Variants in FAM83D observed in about 807,000 individuals in gnomAD.
FAM83D encodes protein FAM83D.
Under a neutral mutation model 25.4 loss-of-function variants are expected in FAM83D, and 26 were observed. That is an observed-to-expected ratio of 1.02 (90% CI 0.75 to 1.42). The LOEUF is 1.42. FAM83D is among the 40% of genes most tolerant of loss of function. The probability of loss-of-function intolerance (pLI) is 0.00; values close to 1 mark genes in which losing one functional copy is unlikely to be tolerated. For synonymous variants in FAM83D, 310 were observed against 318.5 expected (o/e 0.97, Z 0.28); for missense variants, 740 against 758.1 (o/e 0.98, Z 0.28).
In FAM83D at chr20:38,926,805, C is replaced by T. The variant is rs1397548523; in HGVS notation, c.363C>T (p.Tyr121=). The change falls in exon 1 of 4, where the codon TAC becomes TAT. Residue 121 remains tyrosine (Y), a synonymous_variant. Transcript: ENST00000619850. Reference sequence around the variant, plus strand: ...TGGAGCTTGGCTGGCCCGCCTTCTACCAGGGCGCCTACCGCGGCGCCACGC... The same window carrying T: ...TGGAGCTTGGCTGGCCCGCCTTCTATCAGGGCGCCTACCGCGGCGCCACGC... ...PLLELGWPAF[Y]QGAYRGATRV... is the part of the protein sequence containing the mutation. The T allele has an allele frequency of 1.3e-6, 2 of 1,541,884 alleles. No individual in the cohort carries two copies. The highest frequency in any genetic ancestry group is 1.2e-5 in the South Asian group (1 of 84,670).
At chr20:38,932,731 TC>T (rs1175972851) in intron 1 of FAM83D, among the ~76,000 whole-genome samples, 1 of 152,258 alleles carries the variant, frequency 6.6e-6, no homozygotes, top group Non-Finnish European at 1.5e-5. Context: ...GAATTGGCTG[TC>T]CGGCTATTCC....
chr20:38,931,987 G>A (rs1388375773), intron 1 of FAM83D, among the ~76,000 whole-genome samples: 1 of 152,240 alleles, frequency 6.6e-6, no homozygotes, highest in Non-Finnish European at 1.5e-5. Flanking sequence ...CTGGGTGGCT[G>A]TGCCTGGGGT....
At chr20:38,934,016 G>A (rs1413180972) in intron 1 of FAM83D, among the ~76,000 whole-genome samples, 3 of 152,056 alleles carry the variant, frequency 2.0e-5, no homozygotes, top group Non-Finnish European at 4.4e-5. Context: ...TACCACGCCC[G>A]GCTAATTTTT....
At chr20:38,930,302 A>T (rs2085653638) in intron 1 of FAM83D, among the ~76,000 whole-genome samples, 1 of 152,180 alleles carries the variant, frequency 6.6e-6, no homozygotes, top group Non-Finnish European at 1.5e-5. Context: ...TAAACCCTTG[A>T]CCTGAATTAC....
chr20:38,940,124 C>T (rs2085695362), intron 1 of FAM83D, among the ~76,000 whole-genome samples: 1 of 152,192 alleles, frequency 6.6e-6, no homozygotes, highest in South Asian at 2.1e-4. Flanking sequence ...GCCACAAATT[C>T]AGAAAGAACG....
intron 3 of FAM83D, 74 bp from the exon 4 acceptor site, chr20:38,951,465 A>G: frequency 6.6e-7 from 1 of 1,506,790 alleles, no homozygotes. Context: ...GTACTATATT[A>G]TTCAGATGGA....
Position 38,926,477 on chromosome 20 carries a change from C to T in FAM83D, c.35C>T (p.Pro12Leu), listed in dbSNP as rs746079486. 8 of 1,596,230 alleles carry T rather than the reference C, an allele frequency of 5.0e-6. No individual in the cohort carries two copies. In the South Asian group the frequency reaches 5.5e-5, roughly 11 times the overall value. The part of the protein sequence containing the change: ...ALLSEGLDEV[P>L]AACLSPCGPP... ...CTGTCCGAGGGCCTGGACGAGGTGC[C>T]CGCCGCCTGCCTGTCGCCGTGCGGG... The change falls in exon 1 of 4, where the codon CCC becomes CTC. Residue 12 changes from proline (P) to leucine (L), a missense_variant. Physicochemically the swap from Pro to Leu is moderately conservative, Grantham distance 98. Transcript: ENST00000619850.
chr20:38,927,998 G>A (rs544782957), intron 1 of FAM83D, among the ~76,000 whole-genome samples: 1 of 152,202 alleles, frequency 6.6e-6, no homozygotes, highest in Non-Finnish European at 1.5e-5. Flanking sequence ...TGCAATGGAG[G>A]TCTTGTCTGC....
Position 38,926,852 on chromosome 20 carries a change from C to G in FAM83D, c.410C>G (p.Pro137Arg). 1.3e-6 allele frequency: 2 copies of G among 1,525,336 alleles called. No homozygotes were observed. The highest frequency in any genetic ancestry group is 1.8e-6 in the Non-Finnish European group (2 of 1,141,624). The allele number at this position is 1,525,336 out of a possible 1,614,324, so 94.5% of individuals were successfully genotyped here. Residue 137 changes from proline (P) to arginine (R), a missense_variant, in exon 1 of 4, where the codon CCC becomes CGC. Around this residue, in one of 3 missense-constraint regions of FAM83D, gnomAD observed 333 missense variants for 298.6 expected, o/e 1.12. Transcript: ENST00000619850. ...GATRVETHFQ[P>R]RGAGEGGPYG... ...ACGCGTGTCGAGACGCACTTCCAGC[C>G]CCGCGGCGCTGGCGAAGGTGGCCCC... is the stretch of plus-strand genomic sequence containing the variant.
chr20:38,946,206 A>AC (rs1361913565), intron 2 of FAM83D, among the ~76,000 whole-genome samples: 2 of 151,850 alleles, frequency 1.3e-5, no homozygotes, highest in Non-Finnish European at 2.9e-5. Context: ...TCAAAAAAAA[A>AC]AAAAAAAAAA....
intron 1 of FAM83D, among the ~76,000 whole-genome samples, chr20:38,928,360 G>T (rs2085645225): frequency 6.6e-6 from 1 of 152,214 alleles, no homozygotes; most frequent in South Asian, 2.1e-4. Context: ...TGGATACAGT[G>T]ACCTAGTGCC....
chr20:38,934,791 G>C (rs982292978), intron 1 of FAM83D, among the ~76,000 whole-genome samples: 14 of 152,178 alleles, frequency 9.2e-5, no homozygotes, highest in East Asian at 1.9e-4. Context: ...CTCTAAGAAG[G>C]AATGAGGACT....
In FAM83D at chr20:38,947,956, G is replaced by A. The variant is rs758987453; in HGVS notation, c.732G>A (p.Lys244=). ...GTKIIGKVHE[K]FTLIDGIRVA... ...AGATTATTGGGAAGGTTCACGAAAAGTTCACGTTGATTGATGGCATCCGCG... is the reference window on the plus strand; with the variant it reads ...AGATTATTGGGAAGGTTCACGAAAAATTCACGTTGATTGATGGCATCCGCG... The change falls in exon 3 of 4, where the codon AAG becomes AAA. Residue 244 remains lysine (K), a synonymous_variant. Transcript: ENST00000619850. 7 of 1,614,084 alleles carry A rather than the reference G, an allele frequency of 4.3e-6. No individual in the cohort carries two copies. In the African/African-American group the frequency reaches 9.3e-5, roughly 22 times the overall value.
intron 3 of FAM83D, among the ~76,000 whole-genome samples, chr20:38,949,071 A>G (rs2085741677): frequency 6.6e-6 from 1 of 152,166 alleles, no homozygotes; most frequent in Admixed American, 6.5e-5. Context: ...TCCAAATGAA[A>G]TTGATGACGA....
In FAM83D at chr20:38,929,156, C is replaced by T. The variant is rs1044944070; in HGVS notation, c.483+2231C>T. ...CACACCACTGGACTCCAGCTCTGGG[C>T]GACAGAGCAAGACTCCCTCTCGGAA... On this transcript the variant is annotated intron_variant, in intron 1 of 3. Transcript: ENST00000619850. 9.1e-5 allele frequency among the ~76,000 whole-genome samples: 13 copies of T among 143,244 alleles called. No individual in the cohort carries two copies. In the South Asian group the frequency reaches 1.3e-3, roughly 15 times the overall value. 94.0% of individuals were successfully genotyped at this position (143,244 alleles called of 152,430 possible).
chr20:38,952,305 C>G lies in FAM83D; in HGVS notation c.1543C>G (p.His515Asp), dbSNP rs182339227. The change falls in exon 4 of 4, where the codon CAC (histidine) becomes GAC (aspartate). Residue 515 changes from histidine to aspartate, a missense_variant. By Grantham distance (81) the His-to-Asp change is moderately conservative. Coordinates refer to ENST00000619850, the MANE Select transcript of FAM83D (RefSeq NM_030919.3). ...PGYPKYLGTP[H>D]LELYLSDSLR... Reference sequence around the variant, plus strand: ...CTATCCCAAGTACCTGGGCACCCCCCACCTGGAACTGTACTTGAGTGACTC... The same window carrying G: ...CTATCCCAAGTACCTGGGCACCCCCGACCTGGAACTGTACTTGAGTGACTC... The G allele has an allele frequency of 1.6e-5, 26 of 1,614,130 alleles. No homozygotes were observed. Among genetic ancestry groups the G allele is most frequent in the Admixed American group, 1.5e-4 (9 of 60,028 alleles).
chr20:38,947,133 G>A (rs1268804964), intron 2 of FAM83D, among the ~76,000 whole-genome samples: 2 of 152,212 alleles, frequency 1.3e-5, no homozygotes, highest in Non-Finnish European at 2.9e-5. Context: ...CTGCTCCAGA[G>A]AATGCAGATT....
chr20:38,930,750 C>T (rs2085655613), intron 1 of FAM83D, among the ~76,000 whole-genome samples: 1 of 151,950 alleles, frequency 6.6e-6, no homozygotes, highest in South Asian at 2.1e-4. Context: ...CAGGTTCAAG[C>T]GATTCTCCTA....
At chr20:38,942,963 C>T (rs1209831518) in intron 2 of FAM83D, among the ~76,000 whole-genome samples, 1 of 151,612 alleles carries the variant, frequency 6.6e-6, no homozygotes, top group Non-Finnish European at 1.5e-5. Context: ...GGAGGCTGCC[C>T]TTTTAATCAC....
Sources: gnomAD v4.1 joint callset for allele counts (sites outside exome capture counted in the v4.1 genomes callset) on GRCh38, gnomAD v4.1.1 for gene constraint, gnomAD v4.1.1 regional missense constraint, MANE v1.5 for transcripts, NCBI Gene and HGNC (gene_info 2026-07-23, HGNC 2026-07-21) for gene names.